Variants in CRYL1 observed in about 807,000 individuals in gnomAD.
The protein encoded by CRYL1 is lambda-crystallin homolog.
Under a neutral mutation model 36.6 loss-of-function variants are expected in CRYL1, and 29 were observed. The observed-to-expected ratio is 0.79, with a 90% CI of 0.59 to 1.08. CRYL1 has a LOEUF of 1.08. CRYL1 is among the 50% of genes least tolerant of loss of function. The probability of loss-of-function intolerance (pLI) is 0.00; values close to 1 mark genes in which losing one functional copy is unlikely to be tolerated. For missense variants in CRYL1, 411 were observed against 407.9 expected (o/e 1.01, Z -0.06); for synonymous variants, 152 against 151.5 (o/e 1.00, Z -0.02).
At chr13:20,511,248 T>C (rs573333845) in intron 2 of CRYL1, among the ~76,000 whole-genome samples, 24 of 152,034 alleles carry the variant, frequency 1.6e-4, no homozygotes, top group Admixed American at 2.0e-4. Context: ...TGCCAACACA[T>C]TGGCTATTTT....
intron 3 of CRYL1, among the ~76,000 whole-genome samples, chr13:20,465,839 G>A (rs183547717): frequency 2.6e-5 from 4 of 152,062 alleles, no homozygotes; most frequent in Non-Finnish European, 5.9e-5. Context: ...GGGCCCAGAG[G>A]GAGGTGTTTG....
At chr13:20,404,461 G>A (rs959972586) in intron 7 of CRYL1, among the ~76,000 whole-genome samples, 174 bp downstream of exon 7, 1 of 152,130 alleles carries the variant, frequency 6.6e-6, no homozygotes, top group East Asian at 1.9e-4. Context: ...TGTCCTTAAG[G>A]TGTCCTGGTG....
At chr13:20,408,237 G>A (rs9315547) in intron 6 of CRYL1, among the ~76,000 whole-genome samples, 106,442 of 152,006 alleles carry the variant, frequency 0.7, 37,689 homozygotes, top group South Asian at 0.76. Context: ...GCAAGTCCCC[G>A]CCCATCAGCT....
chr13:20,523,067 C>T (rs900223308), intron 1 of CRYL1, among the ~76,000 whole-genome samples: 1 of 151,926 alleles, frequency 6.6e-6, no homozygotes, highest in Non-Finnish European at 1.5e-5. Flanking sequence ...CAGGCATGCA[C>T]CACCACGCCC....
chr13:20,420,001 C>T (rs1444374921), intron 5 of CRYL1, among the ~76,000 whole-genome samples: 1 of 152,236 alleles, frequency 6.6e-6, no homozygotes, highest in Non-Finnish European at 1.5e-5. Flanking sequence ...CTAAGTGCTG[C>T]CCCACAATTA....
chr13:20,501,161 C>T (rs2033696969), intron 2 of CRYL1, among the ~76,000 whole-genome samples: 1 of 152,206 alleles, frequency 6.6e-6, no homozygotes, highest in South Asian at 2.1e-4. Context: ...CTTGGCTGTA[C>T]TCATCATTTC....
intron 6 of CRYL1, among the ~76,000 whole-genome samples, chr13:20,407,659 T>C (rs900640482): frequency 1.3e-5 from 2 of 152,204 alleles, no homozygotes; most frequent in African/African-American, 4.8e-5. Context: ...TCCCTTTGAG[T>C]TCTAATTCTT....
At chr13:20,439,493 G>A in intron 4 of CRYL1, 100 bp downstream of exon 4, 2 of 978,786 alleles carry the variant, frequency 2.0e-6, no homozygotes, top group African/African-American at 1.9e-5. Flanking sequence ...TTACTCACAA[G>A]TTATTGACCC....
chr13:20,433,258 T>C (rs1324616310), intron 4 of CRYL1, among the ~76,000 whole-genome samples: 4 of 152,298 alleles, frequency 2.6e-5, no homozygotes, highest in Admixed American at 1.3e-4. Flanking sequence ...GTTCTTGGTT[T>C]ACTTTGAGAA....
At chr13:20,483,062 A>G (rs1339556010) in intron 3 of CRYL1, among the ~76,000 whole-genome samples, 2 of 152,130 alleles carry the variant, frequency 1.3e-5, no homozygotes, top group African/African-American at 4.8e-5. Flanking sequence ...GGAAGGAGCG[A>G]TGAAGAGAAG....
intron 3 of CRYL1, among the ~76,000 whole-genome samples, chr13:20,447,958 G>A (rs1316938365): frequency 6.6e-6 from 1 of 152,070 alleles, no homozygotes; most frequent in Non-Finnish European, 1.5e-5. Flanking sequence ...AAAAGCAGGA[G>A]AAAAACAACA....
chr13:20,421,323 T>G (rs143710847), intron 5 of CRYL1, among the ~76,000 whole-genome samples: 38 of 152,316 alleles, frequency 2.5e-4, no homozygotes, highest in African/African-American at 8.7e-4. Flanking sequence ...TTCCATTCTA[T>G]GAGGGTAGTG....
At chr13:20,510,276 T>C (rs1297002995) in intron 2 of CRYL1, among the ~76,000 whole-genome samples, 2 of 152,214 alleles carry the variant, frequency 1.3e-5, no homozygotes, top group African/African-American at 2.4e-5. Context: ...CTTCAGTGGG[T>C]GAATAGATAA....
chr13:20,497,245 C>T (rs2033620435), intron 2 of CRYL1, among the ~76,000 whole-genome samples: 1 of 151,706 alleles, frequency 6.6e-6, no homozygotes, highest in Non-Finnish European at 1.5e-5. Context: ...GAGAGCCATG[C>T]GTGCCCACAC....
chr13:20,494,249 T>C (rs1175765748), intron 2 of CRYL1, among the ~76,000 whole-genome samples: 1 of 152,234 alleles, frequency 6.6e-6, no homozygotes, highest in Non-Finnish European at 1.5e-5. Context: ...ATTGAAAGTT[T>C]TTTGTGTTAC....
rs79058082 is a variant in CRYL1, at chr13:20,458,779, C to T, written c.277-19025G>A. Among the ~76,000 whole-genome samples, 32 of 152,318 alleles carry T rather than the reference C, an allele frequency of 2.1e-4. No individual in the cohort carries two copies. The East Asian group carries it at 6.2e-3, about 29-fold the overall frequency. On this transcript the variant is annotated intron_variant, in intron 3 of 7. Coordinates refer to ENST00000298248, the MANE Select transcript of CRYL1 (RefSeq NM_015974.3). ...CCAGATTTCTGCAGCAGCCTTATGC[C>T]TTGTGCAAATCTGGTGCCAAAGCAG...
intron 3 of CRYL1, among the ~76,000 whole-genome samples, chr13:20,466,679 A>ACT (rs1274572537): frequency 1.2e-4 from 4 of 33,210 alleles, no homozygotes; most frequent in African/African-American, 4.5e-4. Context: ...ACTTTGGAAA[A>ACT]CTCTGTGTGT....
chr13:20,467,385 G>A (rs1418824213), intron 3 of CRYL1, among the ~76,000 whole-genome samples: 1 of 152,182 alleles, frequency 6.6e-6, no homozygotes, highest in Non-Finnish European at 1.5e-5. Context: ...CCTTGTGGAG[G>A]AAAGAGAGCT....
At chr13:20,421,953 A>G (rs1227272971) in intron 5 of CRYL1, among the ~76,000 whole-genome samples, 1 of 152,088 alleles carries the variant, frequency 6.6e-6, no homozygotes, top group Non-Finnish European at 1.5e-5. Flanking sequence ...TCTCTTTTCA[A>G]TAGGGTTTTG....
Sources: allele counts gnomAD v4.1 joint callset (sites outside exome capture counted in the v4.1 genomes callset), GRCh38; gene constraint gnomAD v4.1.1; transcripts MANE v1.5; gene names NCBI Gene and HGNC (gene_info 2026-07-23, HGNC 2026-07-21).